WSCD2: variants seen among roughly 807,000 people sequenced by gnomAD.
WSCD2 encodes sialate:O-sulfotransferase 2.
In WSCD2, 28 loss-of-function variants were observed where a neutral mutation model predicts 55.7. The ratio of observed to expected loss-of-function variants is 0.50; its 90% CI spans 0.37 to 0.69. The LOEUF (loss-of-function observed/expected upper bound fraction) is 0.69, where lower values mean the gene tolerates loss of function less well. WSCD2 is among the 30% of genes least tolerant of loss of function. The probability of loss-of-function intolerance (pLI) is 0.00; values close to 1 mark genes in which losing one functional copy is unlikely to be tolerated. For synonymous variants in WSCD2, 301 were observed against 301.9 expected (o/e 1.00, Z 0.03); for missense variants, 616 against 762.1 (o/e 0.81, Z 2.26).
In WSCD2 at chr12:108,213,920, GATC is replaced by G. The variant is rs555028652; in HGVS notation, c.682+3616_682+3618del. Among the ~76,000 whole-genome samples, 416 of 152,270 alleles carry G rather than the reference GATC, an allele frequency of 2.7e-3. 1 individual carries two copies. Among genetic ancestry groups the G allele is most frequent in the African/African-American group, 9.6e-3 (401 of 41,560 alleles). On this transcript the variant is annotated intron_variant, in intron 4 of 8. Transcript: ENST00000547525. ...CTCATCTCCTTCCTTCCCTGACCCT[GATC>G]CCTCCTTCCACCTTGTTTCCAGACT... is the stretch of plus-strand genomic sequence containing the variant.
rs561689392 is a variant in WSCD2, at chr12:108,149,571, TGCTCAG to T, written c.-552+19648_-552+19653del. 6.3e-3 allele frequency among the ~76,000 whole-genome samples: 952 copies of T among 152,298 alleles called. 15 individuals carry two copies. The highest frequency in any genetic ancestry group is 0.022 in the African/African-American group (904 of 41,558). On this transcript the variant is annotated intron_variant, in intron 1 of 8. Transcript: ENST00000547525. ...GAGGAAGCTGAGGCTGAGCCTTCAG[TGCTCAG>T]GCAGGGGGATGCTCTCTGGAGGCCA... is the stretch of plus-strand genomic sequence containing the variant.
chr12:108,248,818 G>A lies in WSCD2; in HGVS notation c.*475G>A. 1.0e-6 allele frequency: 1 copy of A among 990,726 alleles called. No individual in the cohort carries two copies. Among genetic ancestry groups the A allele is most frequent in the Non-Finnish European group, 1.2e-6 (1 of 832,632 alleles). The allele number at this position is 990,726 out of a possible 1,614,324, so 61.4% of individuals were successfully genotyped here. A position where few individuals can be genotyped will look rare whatever the true frequency, so the allele number is the denominator to read the frequency against. The stretch of plus-strand genomic sequence containing the variant: ...CCCCCTTCTCATCTCCACCCAAGAA[G>A]TGCTGGCACCGATGTTTAACTCAGG... On this transcript the variant is annotated 3_prime_UTR_variant, in exon 9 of 9. Transcript: ENST00000547525. This position sits in a 1 kb window ranked among gnomAD's most constrained non-coding sequence, Gnocchi z 4.3.
intron 1 of WSCD2, among the ~76,000 whole-genome samples, chr12:108,165,913 C>A (rs1282063591): frequency 6.6e-6 from 1 of 152,178 alleles, no homozygotes; most frequent in African/African-American, 2.4e-5. Context: ...GTGCCTGAGG[C>A]CTCTCTCTGT....
chr12:108,239,764 G>C (rs1027935931), intron 7 of WSCD2, among the ~76,000 whole-genome samples: 1 of 152,128 alleles, frequency 6.6e-6, no homozygotes, highest in Non-Finnish European at 1.5e-5. Flanking sequence ...ATCCAGGCTG[G>C]ACTGCAGTGG....
intron 1 of WSCD2, among the ~76,000 whole-genome samples, chr12:108,194,936 G>A (rs1004538308): frequency 2.0e-5 from 3 of 152,250 alleles, no homozygotes; most frequent in Admixed American, 2.0e-4. Context: ...TCAGACTTAA[G>A]GTAATCCTTG....
At chr12:108,141,765 TG>T (rs1193205331) in intron 1 of WSCD2, among the ~76,000 whole-genome samples, 2 of 152,178 alleles carry the variant, frequency 1.3e-5, no homozygotes, top group African/African-American at 4.8e-5. Flanking sequence ...GTCGGGGAGC[TG>T]GTATATGATG....
intron 1 of WSCD2, among the ~76,000 whole-genome samples, chr12:108,144,220 C>T (rs571826450): frequency 3.2e-4 from 48 of 152,220 alleles, no homozygotes; most frequent in African/African-American, 1.0e-3. Flanking sequence ...GTTGAGAGCT[C>T]GTGTTATGGA....
Position 108,183,965 on chromosome 12 carries a change from C to T in WSCD2, c.-551-11317C>T, listed in dbSNP as rs1049549303. Among the ~76,000 whole-genome samples, 4 of 152,158 alleles carry T rather than the reference C, an allele frequency of 2.6e-5. No individual in the cohort carries two copies. In the East Asian group the frequency reaches 7.7e-4, roughly 29 times the overall value. On this transcript the variant is annotated intron_variant, in intron 1 of 8. Coordinates refer to ENST00000547525, the MANE Select transcript of WSCD2 (RefSeq NM_014653.4). ...CAATGGCACAGGGTACATGGAAGGG[C>T]CTGGCACATAGTAATTGTGCAACAA...
chr12:108,137,116 G>A (rs1467820309), intron 1 of WSCD2, among the ~76,000 whole-genome samples: 1 of 152,178 alleles, frequency 6.6e-6, no homozygotes, highest in Non-Finnish European at 1.5e-5. Context: ...CCTGATTTCT[G>A]CCTCTAGAAT....
intron 4 of WSCD2, among the ~76,000 whole-genome samples, chr12:108,212,640 G>GACAC (rs34478575): frequency 1.5e-5 from 2 of 129,314 alleles, no homozygotes; most frequent in East Asian, 4.3e-4. Flanking sequence ...CACACATTCA[G>GACAC]ACACACACAC....
At chr12:108,160,817 G>C (rs538903140) in intron 1 of WSCD2, among the ~76,000 whole-genome samples, 1 of 152,206 alleles carries the variant, frequency 6.6e-6, no homozygotes, top group Non-Finnish European at 1.5e-5. Context: ...CAATAGGAGA[G>C]GGGTGAAATT....
chr12:108,227,716 T>C (rs1163211903), intron 6 of WSCD2, among the ~76,000 whole-genome samples: 1 of 136,348 alleles, frequency 7.3e-6, no homozygotes, highest in South Asian at 2.7e-4. Context: ...CCAGACATGA[T>C]GATAATGATG....
intron 1 of WSCD2, among the ~76,000 whole-genome samples, chr12:108,188,322 G>C (rs779279740): frequency 3.3e-5 from 5 of 152,062 alleles, no homozygotes; most frequent in Admixed American, 6.5e-5. Context: ...AGCTTTCCTG[G>C]TGTGTACATG....
chr12:108,205,363 A>G (rs1265628804), intron 2 of WSCD2, among the ~76,000 whole-genome samples: 1 of 152,236 alleles, frequency 6.6e-6, no homozygotes, highest in Non-Finnish European at 1.5e-5. Flanking sequence ...GAGACAATGT[A>G]TGTAAAGCAC....
At chr12:108,246,607 G>C (rs1890102371) in intron 8 of WSCD2, among the ~76,000 whole-genome samples, 1 of 152,160 alleles carries the variant, frequency 6.6e-6, no homozygotes, top group Non-Finnish European at 1.5e-5. Context: ...GAATCCCCAG[G>C]TTCTCTATAA....
At chr12:108,243,089 C>T (rs1230540225) in intron 8 of WSCD2, among the ~76,000 whole-genome samples, 1 of 152,234 alleles carries the variant, frequency 6.6e-6, no homozygotes, top group East Asian at 1.9e-4. Flanking sequence ...CATCTGGCCC[C>T]TGGAGACACT....
intron 1 of WSCD2, among the ~76,000 whole-genome samples, chr12:108,148,742 G>A (rs1877660905): frequency 6.6e-6 from 1 of 152,194 alleles, no homozygotes; most frequent in Admixed American, 6.5e-5. Flanking sequence ...AACAATGACT[G>A]CTGTTTATTG....
chr12:108,237,389 T>C (rs1281810423), intron 7 of WSCD2, among the ~76,000 whole-genome samples: 1 of 152,242 alleles, frequency 6.6e-6, no homozygotes, highest in African/African-American at 2.4e-5. Context: ...CAAGATAAGC[T>C]GATATTTTGG....
At chr12:108,164,161 T>TTTTTTTTTTTTTTTTTTTAA (rs1555224811) in intron 1 of WSCD2, among the ~76,000 whole-genome samples, 2 of 146,086 alleles carry the variant, frequency 1.4e-5, no homozygotes, top group Admixed American at 6.8e-5. Context: ...TTTTTTTTTT[T>TTTTTTTTTTTTTTTTTTTAA]TCAGAGAGGG....
Sources: gnomAD v4.1 joint callset for allele counts (sites outside exome capture counted in the v4.1 genomes callset) on GRCh38, gnomAD v4.1.1 for gene constraint, Gnocchi (gnomAD v3.1) non-coding constraint, MANE v1.5 for transcripts, NCBI Gene and HGNC (gene_info 2026-07-23, HGNC 2026-07-21) for gene names.